RIPOR3: variants seen among roughly 807,000 people sequenced by gnomAD.
RIPOR3 encodes the protein RIPOR family member 3.
In RIPOR3, 95 loss-of-function variants were observed where a neutral mutation model predicts 114.3. That is an observed-to-expected ratio of 0.83 (90% CI 0.70 to 0.99). RIPOR3 has a LOEUF of 0.99. Among genes scored for constraint, RIPOR3 ranks in the 50% least tolerant of loss-of-function variants. The probability of loss-of-function intolerance (pLI) is 0.00; values close to 1 mark genes in which losing one functional copy is unlikely to be tolerated. For missense variants in RIPOR3, 1,252 were observed against 1,266.9 expected (o/e 0.99, Z 0.18); for synonymous variants, 575 against 543.8 (o/e 1.06, Z -0.80).
intron 15 of RIPOR3, 105 bp downstream of exon 15, chr20:50,596,035 G>A (rs541419603): frequency 3.3e-6 from 5 of 1,504,898 alleles, no homozygotes; most frequent in South Asian, 1.2e-5. Context: ...CAGGATGCAG[G>A]TCTGTCACCC....
chr20:50,604,052 T>C (rs974332559), intron 12 of RIPOR3, among the ~76,000 whole-genome samples: 3 of 151,974 alleles, frequency 2.0e-5, no homozygotes, highest in East Asian at 1.9e-4. Flanking sequence ...TGTGGTGGCG[T>C]GTGCCTGTAA....
At chr20:50,604,855 G>T in intron 11 of RIPOR3, 81 bp from the exon 12 acceptor site, 1 of 1,528,442 alleles carries the variant, frequency 6.5e-7, no homozygotes, top group Non-Finnish European at 8.8e-7. Flanking sequence ...GGGCTCTTAG[G>T]TTATGCAGGT....
Position 50,594,560 on chromosome 20 carries a change from C to T in RIPOR3, c.2205G>A (p.Leu735=). Residue 735 remains leucine, a synonymous_variant, in exon 17 of 22, where the codon CTG becomes CTA. Coordinates refer to ENST00000327979, the MANE Select transcript of RIPOR3 (RefSeq NM_001290268.2). The part of the protein sequence containing the change: ...HRVRGKYPGQ[L]EIACRRLLEQ... ...GGACAGAAGGGAACCCACCTATTTC[C>T]AGCTGTCCTGGGTACTTCCCTCTGA... is the stretch of plus-strand genomic sequence containing the variant. 6.2e-7 allele frequency: 1 copy of T among 1,613,540 alleles called. No homozygotes were observed. Among genetic ancestry groups the T allele is most frequent in the Non-Finnish European group, 8.5e-7 (1 of 1,179,622 alleles).
At chr20:50,611,590 G>C (rs549614444) in intron 4 of RIPOR3, among the ~76,000 whole-genome samples, 1 of 152,340 alleles carries the variant, frequency 6.6e-6, no homozygotes, top group African/African-American at 2.4e-5. Flanking sequence ...TGAGATTGAA[G>C]GAATGGCCTC....
chr20:50,672,372 G>C (rs2086543440), intron 1 of RIPOR3, among the ~76,000 whole-genome samples: 1 of 152,162 alleles, frequency 6.6e-6, no homozygotes, highest in Non-Finnish European at 1.5e-5. Context: ...CAGTACTGAA[G>C]AGGAGGCATG....
chr20:50,609,674 C>T lies in RIPOR3; in HGVS notation c.475G>A (p.Gly159Ser), dbSNP rs61734272. 7.0e-4 allele frequency: 975 copies of T among 1,391,248 alleles called. No individual in the cohort carries two copies. Among genetic ancestry groups the T allele is most frequent in the Non-Finnish European group, 8.6e-4 (923 of 1,072,990 alleles). 86.2% of individuals were successfully genotyped at this position (1,391,248 alleles called of 1,614,324 possible). A position where few individuals can be genotyped will look rare whatever the true frequency, so the allele number is the denominator to read the frequency against. Residue 159 changes from glycine (G) to serine (S), a missense_variant, in exon 7 of 22, where the codon GGC becomes AGC. Coordinates refer to ENST00000327979, the MANE Select transcript of RIPOR3 (RefSeq NM_001290268.2). ...DYCIQCRLRD[G>S]ASSMQRAFAR... ...AAGGCCCGCTGCATGCTGGAGGCGC[C>T]GTCGCGCAGGCGGCACTGGATGCAG...
intron 1 of RIPOR3, among the ~76,000 whole-genome samples, chr20:50,688,476 A>G (rs2087101426): frequency 6.6e-6 from 1 of 152,244 alleles, no homozygotes; most frequent in Non-Finnish European, 1.5e-5. Context: ...TGTTTTTCAT[A>G]GAATTTATTG....
intron 19 of RIPOR3, among the ~76,000 whole-genome samples, 163 bp downstream of exon 19, chr20:50,592,181 G>A (rs116923230): frequency 0.05 from 7,609 of 152,294 alleles, 274 homozygotes; most frequent in Non-Finnish European, 0.076. Flanking sequence ...GCAGCAAGGT[G>A]CATTCATGTG....
intron 1 of RIPOR3, among the ~76,000 whole-genome samples, chr20:50,660,652 C>A (rs1248065512): frequency 6.6e-6 from 1 of 152,130 alleles, no homozygotes; most frequent in Admixed American, 6.6e-5. Flanking sequence ...GAGACAAACA[C>A]CCCCTATCCA....
At chr20:50,623,260 TA>T (rs57108911) in intron 2 of RIPOR3, among the ~76,000 whole-genome samples, 14,214 of 113,174 alleles carry the variant, frequency 0.13, 2,038 homozygotes, top group African/African-American at 0.34. Context: ...AACTCTGCCT[TA>T]AAAAAAAAAA....
chr20:50,596,816 T>C (rs1444396063), intron 14 of RIPOR3, among the ~76,000 whole-genome samples: 2 of 152,176 alleles, frequency 1.3e-5, no homozygotes, highest in East Asian at 1.9e-4. Context: ...TGTGGTGAGA[T>C]GCGGATGCAG....
rs1568839352 is a variant in RIPOR3, at chr20:50,602,684, A to AG, written c.1087-41dup. 18 of 1,405,476 alleles carry AG rather than the reference A, an allele frequency of 1.3e-5. No individual in the cohort carries two copies. Among genetic ancestry groups the AG allele is most frequent in the Non-Finnish European group, 1.7e-5 (18 of 1,071,324 alleles). 87.1% of individuals were successfully genotyped at this position (1,405,476 alleles called of 1,614,324 possible). A position where few individuals can be genotyped will look rare whatever the true frequency, so the allele number is the denominator to read the frequency against. ...CGGGAGCGGCCTCACCAGCCACCCCAGGGACCACAGCAAGTCCCCCAGAGG... is the reference window on the plus strand; with the variant it reads ...CGGGAGCGGCCTCACCAGCCACCCCAGGGGACCACAGCAAGTCCCCCAGAGG... On this transcript the variant is annotated intron_variant, in intron 12 of 21. Coordinates refer to ENST00000327979, the MANE Select transcript of RIPOR3 (RefSeq NM_001290268.2). The surrounding 1 kb of genome is among the most constrained non-coding windows in gnomAD (Gnocchi z 4.3).
chr20:50,637,940 G>A lies in RIPOR3; in HGVS notation c.4-7084C>T, dbSNP rs2085049779. Among the ~76,000 whole-genome samples the A allele has an allele frequency of 2.6e-5, 4 of 151,780 alleles. No homozygotes were observed. The South Asian group carries it at 8.3e-4, about 32-fold the overall frequency. ...ATTATTATTATTTTTATAGAGATGG[G>A]TCTTGTTATGTCACCCAGGCTGGTC... On this transcript the variant is annotated intron_variant, in intron 1 of 21. Coordinates refer to ENST00000327979, the MANE Select transcript of RIPOR3 (RefSeq NM_001290268.2).
In RIPOR3 at chr20:50,669,091, C is replaced by T. The variant is rs188632985; in HGVS notation, c.3+22035G>A. On this transcript the variant is annotated intron_variant, in intron 1 of 21. Coordinates refer to ENST00000327979, the MANE Select transcript of RIPOR3 (RefSeq NM_001290268.2). The stretch of plus-strand genomic sequence containing the variant: ...ACATTATACACATATGTACACATGG[C>T]GCGCACACACCCATACATGCATGCT... Among the ~76,000 whole-genome samples, 212 of 152,174 alleles carry T rather than the reference C, an allele frequency of 1.4e-3. 1 individual carries two copies. Among genetic ancestry groups the T allele is most frequent in the Admixed American group, 0.011 (171 of 15,284 alleles).
intron 1 of RIPOR3, among the ~76,000 whole-genome samples, chr20:50,671,413 C>T (rs71350697): frequency 9.3e-5 from 8 of 86,374 alleles, no homozygotes; most frequent in African/African-American, 2.6e-4. Context: ...AGCACGCGCG[C>T]GTGCACGCGC....
In RIPOR3 at chr20:50,630,758, A is replaced by G; in HGVS notation, c.102T>C (p.Ser34=). The change falls in exon 2 of 22, where the codon AGT becomes AGC. Residue 34 remains serine (S), a synonymous_variant. Coordinates refer to ENST00000327979, the MANE Select transcript of RIPOR3 (RefSeq NM_001290268.2). ...CTTACGCGATCCTCCGGCTCTGTGC[A>G]CTGCTGAAGCCTGCGAAGGAGGCGC... ...GRSASFAGFS[S]AQSRRIAKSI... 1 of 1,611,822 alleles carries G rather than the reference A, an allele frequency of 6.2e-7. No homozygotes were observed. The highest frequency in any genetic ancestry group is 8.5e-7 in the Non-Finnish European group (1 of 1,179,386).
intron 1 of RIPOR3, among the ~76,000 whole-genome samples, chr20:50,683,269 C>A (rs941286535): frequency 2.2e-4 from 33 of 152,024 alleles, no homozygotes; most frequent in Non-Finnish European, 4.4e-4. Context: ...GAAAAGAGTT[C>A]GGAAGTTGAT....
chr20:50,595,535 C>T, intron 15 of RIPOR3, 31 bp from the exon 16 acceptor site: 1 of 1,610,192 alleles, frequency 6.2e-7, no homozygotes, highest in Non-Finnish European at 8.5e-7. Context: ...TCCAGATTAG[C>T]ATGGAACATG....
At chr20:50,616,177 A>T in intron 3 of RIPOR3, 97 bp from the exon 4 acceptor site, 9 of 1,281,748 alleles carry the variant, frequency 7.0e-6, no homozygotes, top group Non-Finnish European at 9.9e-6. Flanking sequence ...GAGAGCAGAC[A>T]CGGGGCTCAG....
Sources: allele counts gnomAD v4.1 joint callset (sites outside exome capture counted in the v4.1 genomes callset), GRCh38; gene constraint gnomAD v4.1.1; non-coding constraint Gnocchi (gnomAD v3.1); transcripts MANE v1.5; gene names NCBI Gene and HGNC (gene_info 2026-07-23, HGNC 2026-07-21).